TBC1D8: variants seen among roughly 807,000 people sequenced by gnomAD.
TBC1D8 encodes the protein TBC1 domain family member 8.
A neutral mutation model predicts 118.8 loss-of-function variants in TBC1D8; 65 were observed. The observed-to-expected ratio is 0.55, with a 90% CI of 0.45 to 0.67. The LOEUF (loss-of-function observed/expected upper bound fraction) is 0.67, where lower values mean the gene tolerates loss of function less well. Among genes scored for constraint, TBC1D8 ranks in the 30% least tolerant of loss-of-function variants. The pLI is 0.00. For synonymous variants in TBC1D8, 566 were observed against 595.8 expected, an observed-to-expected ratio of 0.95 and a Z score of 0.73; for missense variants, 1,376 against 1,471.2, an observed-to-expected ratio of 0.94 and a Z score of 1.06.
intron 1 of TBC1D8, among the ~76,000 whole-genome samples, chr2:101,097,783 G>C (rs1372743212): frequency 1.3e-5 from 2 of 152,272 alleles, no homozygotes; most frequent in Non-Finnish European, 2.9e-5. Flanking sequence ...TGAAAAGACT[G>C]CATTAGCCCA....
rs575692100 is a variant in TBC1D8, at chr2:101,083,354, G to A, written c.283+6855C>T. ...ACAAGTGAGTGCCAGGATGGAGGAC[G>A]CAGGTGACAGGGAGTCAGGGAGGTG... On this transcript the variant is annotated intron_variant, in intron 2 of 19. Coordinates refer to ENST00000409318, the MANE Select transcript of TBC1D8 (RefSeq NM_001330348.2). Among the ~76,000 whole-genome samples, 192 of 152,222 alleles carry A rather than the reference G, an allele frequency of 1.3e-3. 3 individuals are homozygous for A. In the South Asian group the frequency reaches 0.037, roughly 29 times the overall value.
intron 5 of TBC1D8, among the ~76,000 whole-genome samples, chr2:101,046,827 C>T (rs984631342): frequency 3.3e-5 from 5 of 152,074 alleles, no homozygotes; most frequent in African/African-American, 4.8e-5. Flanking sequence ...CTTTATAAAC[C>T]GGCGAAAGAG....
At chr2:101,078,088 C>T (rs567611379) in intron 2 of TBC1D8, among the ~76,000 whole-genome samples, 1 of 152,278 alleles carries the variant, frequency 6.6e-6, no homozygotes, top group South Asian at 2.1e-4. Context: ...AAGATTGTAT[C>T]CCCAACCAAC....
chr2:101,140,430 C>T (rs562612882), intron 1 of TBC1D8, among the ~76,000 whole-genome samples: 1 of 152,272 alleles, frequency 6.6e-6, no homozygotes, highest in East Asian at 1.9e-4. Flanking sequence ...GGACAAATAG[C>T]TGACACACAG....
intron 1 of TBC1D8, among the ~76,000 whole-genome samples, chr2:101,093,130 T>C (rs1040770537): frequency 6.6e-6 from 1 of 152,208 alleles, no homozygotes; most frequent in South Asian, 2.1e-4. Context: ...TAACCTTTTC[T>C]CTACTTTCTT....
At chr2:101,103,586 G>T (rs1677009059) in intron 1 of TBC1D8, among the ~76,000 whole-genome samples, 1 of 151,934 alleles carries the variant, frequency 6.6e-6, no homozygotes, top group Non-Finnish European at 1.5e-5. Context: ...TAGAGACAGG[G>T]TTTCACCGTG....
At chr2:101,125,538 C>A (rs928324519) in intron 1 of TBC1D8, among the ~76,000 whole-genome samples, 2 of 152,144 alleles carry the variant, frequency 1.3e-5, no homozygotes, top group African/African-American at 4.8e-5. Flanking sequence ...CAAAGAAAGT[C>A]CTGGGTCAGC....
intron 14 of TBC1D8, 115 bp from the exon 15 acceptor site, chr2:101,027,566 C>G (rs1242428830): frequency 1.2e-6 from 1 of 858,572 alleles, no homozygotes; most frequent in African/African-American, 1.7e-5. Context: ...GCACCAGCTT[C>G]TCTCCCACAA....
rs1574070117 is a variant in TBC1D8, at chr2:101,129,487, A to G, written c.127+21640T>C. On this transcript the variant is annotated intron_variant, in intron 1 of 19. Coordinates refer to ENST00000409318, the MANE Select transcript of TBC1D8 (RefSeq NM_001330348.2). ...ATCTGTTACTTAAACCATTAAACAAACAAACAAGCATTTCAACAGTCGCCA... is the reference window on the plus strand; with the variant it reads ...ATCTGTTACTTAAACCATTAAACAAGCAAACAAGCATTTCAACAGTCGCCA... 2.6e-5 allele frequency among the ~76,000 whole-genome samples: 4 copies of G among 152,210 alleles called. No individual in the cohort carries two copies. The East Asian group carries it at 7.7e-4, about 29-fold the overall frequency.
chr2:101,059,582 T>C lies in TBC1D8; in HGVS notation c.284-43A>G, dbSNP rs746986470. 16 of 1,450,028 alleles carry C rather than the reference T, an allele frequency of 1.1e-5. No individual in the cohort carries two copies. In the Admixed American group the frequency reaches 1.2e-4, roughly 11 times the overall value. 89.8% of individuals were successfully genotyped at this position (1,450,028 alleles called of 1,614,324 possible). The stretch of plus-strand genomic sequence containing the variant: ...AAGATACAGAGATTAAAAAATGCAA[T>C]AGAAGTAATTCCTAGAACGTTAACT... On this transcript the variant is annotated intron_variant, in intron 2 of 19. Transcript: ENST00000409318.
chr2:101,054,672 C>CTTTTTTTTTTTTTTTTTTTTTTT lies in TBC1D8; in HGVS notation c.403-359_403-337dup, dbSNP rs34465252. Reference sequence around the variant, plus strand: ...ACAAACAATCATTTTCTTTTCTTTTCTTTTTTTTTTTTTTTTTTTTTTTTT... The same window carrying CTTTTTTTTTTTTTTTTTTTTTTT: ...ACAAACAATCATTTTCTTTTCTTTTCTTTTTTTTTTTTTTTTTTTTTTTTTTTTTTTTTTTTTTTTTTTTTTTT... On this transcript the variant is annotated intron_variant, in intron 3 of 19. Coordinates refer to ENST00000409318, the MANE Select transcript of TBC1D8 (RefSeq NM_001330348.2). Among the ~76,000 whole-genome samples, 25 of 25,432 alleles carry CTTTTTTTTTTTTTTTTTTTTTTT rather than the reference C, an allele frequency of 9.8e-4. 1 individual carries two copies. Among genetic ancestry groups the CTTTTTTTTTTTTTTTTTTTTTTT allele is most frequent in the Admixed American group, 1.8e-3 (3 of 1,626 alleles). 16.7% of individuals were successfully genotyped at this position (25,432 alleles called of 152,430 possible).
At chr2:101,111,876 T>C (rs1199951763) in intron 1 of TBC1D8, among the ~76,000 whole-genome samples, 1 of 150,544 alleles carries the variant, frequency 6.6e-6, no homozygotes, top group Non-Finnish European at 1.5e-5. Flanking sequence ...CATTTAACAG[T>C]GGTTACAATG....
rs573268507 is a variant in TBC1D8 at position 101,085,951 on chromosome 2, C to T, written c.283+4258G>A. Among the ~76,000 whole-genome samples, 73 of 152,216 alleles carry T rather than the reference C, an allele frequency of 4.8e-4. 1 individual carries two copies. Among genetic ancestry groups the T allele is most frequent in the Middle Eastern group, 6.8e-3 (2 of 292 alleles). ...GGTCAGGAGATTGAGACCATCCTGG[C>T]TAACAGGGTGAAACCTCGTCTCTAC... On this transcript the variant is annotated intron_variant, in intron 2 of 19. Transcript: ENST00000409318.
At chr2:101,116,012 A>G (rs375313535) in intron 1 of TBC1D8, among the ~76,000 whole-genome samples, 1 of 152,214 alleles carries the variant, frequency 6.6e-6, no homozygotes, top group African/African-American at 2.4e-5. Flanking sequence ...CCAAAGCTCT[A>G]AAAACCTCCT....
intron 14 of TBC1D8, 125 bp from the exon 15 acceptor site, chr2:101,027,576 A>C: frequency 1.3e-6 from 1 of 780,664 alleles, no homozygotes; most frequent in Non-Finnish European, 2.2e-6. Flanking sequence ...CTCTCCCACA[A>C]AGGCTCTTTT....
At chr2:101,037,412 G>A (rs773321809) in intron 8 of TBC1D8, 120 bp downstream of exon 8, 4 of 1,375,748 alleles carry the variant, frequency 2.9e-6, no homozygotes, top group Non-Finnish European at 3.9e-6. Flanking sequence ...CAAGACGGAG[G>A]AGGAGCGTTA....
chr2:101,011,207 T>TCTAAGAGGACC, intron 18 of TBC1D8, 181 bp from the exon 19 acceptor site: 1 of 703,244 alleles, frequency 1.4e-6, no homozygotes, highest in South Asian at 1.9e-5. Flanking sequence ...GGACTTCTGC[T>TCTAAGAGGACC]CTAAGAGGAC....
intron 1 of TBC1D8, among the ~76,000 whole-genome samples, chr2:101,118,628 C>T (rs1276326947): frequency 2.0e-5 from 3 of 146,576 alleles, no homozygotes; most frequent in East Asian, 4.2e-4. Context: ...ACCCGGGAGG[C>T]GGAGCTTGCA....
At chr2:101,020,072 CAAAA>C (rs200778679) in intron 17 of TBC1D8, among the ~76,000 whole-genome samples, 2 of 90,962 alleles carry the variant, frequency 2.2e-5, no homozygotes, top group African/African-American at 5.1e-5. Flanking sequence ...AACTCCGTCT[CAAAA>C]AAAAAAAAAA....
Sources: allele counts gnomAD v4.1 joint callset (sites outside exome capture counted in the v4.1 genomes callset), GRCh38; gene constraint gnomAD v4.1.1; transcripts MANE v1.5; gene names NCBI Gene and HGNC (gene_info 2026-07-23, HGNC 2026-07-21).